Variants in CWC27 observed in about 807,000 individuals in gnomAD.
CWC27 encodes the protein CWC27 spliceosome associated cyclophilin.
A neutral mutation model predicts 63.6 loss-of-function variants in CWC27; 47 were observed. That is an observed-to-expected ratio of 0.74 (90% CI 0.58 to 0.94). The LOEUF is 0.94. Among genes scored for constraint, CWC27 ranks in the 40% least tolerant of loss-of-function variants. The probability of loss-of-function intolerance (pLI) is 0.00; values close to 1 mark genes in which losing one functional copy is unlikely to be tolerated. For synonymous variants in CWC27, 175 were observed against 179.8 expected, an observed-to-expected ratio of 0.97 and a Z score of 0.22; for missense variants, 495 against 554.3, an observed-to-expected ratio of 0.89 and a Z score of 1.07.
intron 11 of CWC27, among the ~76,000 whole-genome samples, chr5:64,945,367 A>G (rs1748571584): frequency 6.6e-6 from 1 of 152,144 alleles, no homozygotes; most frequent in South Asian, 2.1e-4. Context: ...CATTCTCCAA[A>G]ATAAAATTGG....
intron 10 of CWC27, among the ~76,000 whole-genome samples, chr5:64,875,584 A>T (rs559999862): frequency 1.3e-5 from 2 of 152,232 alleles, no homozygotes; most frequent in South Asian, 2.1e-4. Context: ...TAAGCAATTC[A>T]CTTTGAAGCA....
At chr5:64,933,425 T>A (rs1051552774) in intron 11 of CWC27, among the ~76,000 whole-genome samples, 10 of 152,216 alleles carry the variant, frequency 6.6e-5, no homozygotes. Context: ...GTCATTTACA[T>A]TTTTTAATAT....
At chr5:65,010,093 C>T (rs1434527942) in intron 13 of CWC27, among the ~76,000 whole-genome samples, 2 of 152,108 alleles carry the variant, frequency 1.3e-5, no homozygotes, top group African/African-American at 4.8e-5. Context: ...GTGCATACCA[C>T]AGAGGTTTCA....
chr5:64,824,298 A>G (rs535853762), intron 10 of CWC27, among the ~76,000 whole-genome samples: 1 of 152,204 alleles, frequency 6.6e-6, no homozygotes, highest in Non-Finnish European at 1.5e-5. Flanking sequence ...CTCTTTTAAT[A>G]TTATTATTTT....
chr5:64,792,057 G>A (rs746481210), intron 7 of CWC27, among the ~76,000 whole-genome samples: 1 of 151,992 alleles, frequency 6.6e-6, no homozygotes, highest in Non-Finnish European at 1.5e-5. Flanking sequence ...CAGCCTTCCT[G>A]AAGCTTAAAA....
rs555556760 is a variant in CWC27, at chr5:64,968,411, G to A, written c.1043-3292G>A. On this transcript the variant is annotated intron_variant, in intron 11 of 13. Transcript: ENST00000381070. ...TTACCCCCAAGAAATGAAAATATATGTTTGCAAACAAACTTGTGTGTGTAA... is the reference window on the plus strand; with the variant it reads ...TTACCCCCAAGAAATGAAAATATATATTTGCAAACAAACTTGTGTGTGTAA... 6.6e-5 allele frequency among the ~76,000 whole-genome samples: 10 copies of A among 152,102 alleles called. No homozygotes were observed. In the East Asian group the frequency reaches 1.9e-3, roughly 29 times the overall value.
chr5:64,922,372 A>G (rs1270185038), intron 11 of CWC27, among the ~76,000 whole-genome samples: 3 of 152,080 alleles, frequency 2.0e-5, no homozygotes, highest in Admixed American at 2.0e-4. Flanking sequence ...GTGTGGCTTC[A>G]AAGGAGCAGT....
intron 11 of CWC27, among the ~76,000 whole-genome samples, chr5:64,964,248 G>A (rs1040900353): frequency 1.3e-5 from 2 of 152,086 alleles, no homozygotes; most frequent in Admixed American, 1.3e-4. Flanking sequence ...GCCATATCTT[G>A]GCATTTTATC....
At chr5:64,935,937 G>T (rs1361459847) in intron 11 of CWC27, among the ~76,000 whole-genome samples, 1 of 152,054 alleles carries the variant, frequency 6.6e-6, no homozygotes, top group Non-Finnish European at 1.5e-5. Flanking sequence ...TGTGATTTTT[G>T]CACATTTATT....
intron 10 of CWC27, among the ~76,000 whole-genome samples, chr5:64,823,692 C>T (rs891319434): frequency 6.6e-6 from 1 of 152,112 alleles, no homozygotes; most frequent in South Asian, 2.1e-4. Context: ...ACTCTAAATA[C>T]ATAGGGAATC....
At chr5:64,933,989 T>C (rs918252670) in intron 11 of CWC27, among the ~76,000 whole-genome samples, 14 of 152,232 alleles carry the variant, frequency 9.2e-5, no homozygotes, top group Admixed American at 6.5e-4. Context: ...TTTTTTCCCA[T>C]TCCAGGATTC....
intron 11 of CWC27, among the ~76,000 whole-genome samples, chr5:64,893,204 G>T (rs1747283188): frequency 6.6e-6 from 1 of 152,244 alleles, no homozygotes; most frequent in Admixed American, 6.5e-5. Flanking sequence ...GAATGGAGTT[G>T]TTAACTTTTC....
At chr5:64,790,182 T>C (rs1744025570) in intron 7 of CWC27, among the ~76,000 whole-genome samples, 2 of 152,176 alleles carry the variant, frequency 1.3e-5, no homozygotes, top group African/African-American at 4.8e-5. Context: ...ACACCAACAT[T>C]CTAAACTCTA....
intron 13 of CWC27, among the ~76,000 whole-genome samples, chr5:64,986,964 T>G (rs560070997): frequency 6.6e-6 from 1 of 152,194 alleles, no homozygotes; most frequent in Middle Eastern, 3.2e-3. Context: ...CAAGGATGAA[T>G]TGATGACTTT....
At chr5:64,889,916 G>A (rs1443808125) in intron 11 of CWC27, among the ~76,000 whole-genome samples, 1 of 152,134 alleles carries the variant, frequency 6.6e-6, no homozygotes, top group African/African-American at 2.4e-5. Flanking sequence ...GTTAATTGGA[G>A]ATAGAGTTGG....
intron 13 of CWC27, among the ~76,000 whole-genome samples, chr5:64,979,965 T>TAAAAA (rs35301190): frequency 8.9e-6 from 1 of 112,288 alleles, no homozygotes; most frequent in Non-Finnish European, 1.8e-5. Context: ...ACTTTTTATG[T>TAAAAA]AAAAAAAAAA....
chr5:64,778,008 A>G (rs1743519779), intron 2 of CWC27, among the ~76,000 whole-genome samples: 1 of 152,186 alleles, frequency 6.6e-6, no homozygotes, highest in Admixed American at 6.5e-5. Context: ...GGAAAATCAT[A>G]AAGAAAATCT....
At chr5:64,989,203 A>G (rs543708297) in intron 13 of CWC27, among the ~76,000 whole-genome samples, 6 of 152,312 alleles carry the variant, frequency 3.9e-5, no homozygotes, top group African/African-American at 1.4e-4. Flanking sequence ...AGAGTTGTTT[A>G]TCAATACTAC....
intron 10 of CWC27, among the ~76,000 whole-genome samples, chr5:64,823,254 G>T (rs1359297734): frequency 2.6e-5 from 4 of 152,184 alleles, no homozygotes; most frequent in African/African-American, 9.6e-5. Context: ...ATACCACACA[G>T]TCCAGTTCTG....
Sources: gnomAD v4.1 joint callset for allele counts (sites outside exome capture counted in the v4.1 genomes callset) on GRCh38, gnomAD v4.1.1 for gene constraint, MANE v1.5 for transcripts, NCBI Gene and HGNC (gene_info 2026-07-23, HGNC 2026-07-21) for gene names.